The following RREB1 variants were observed in gnomAD, a reference collection of about 807,000 sequenced individuals.
The protein encoded by RREB1 is ras-responsive element-binding protein 1.
RREB1 carries 27 observed loss-of-function variants against 117.8 expected under a neutral mutation model. That is an observed-to-expected ratio of 0.23 (90% CI 0.17 to 0.32). The LOEUF (loss-of-function observed/expected upper bound fraction) is 0.32. Among genes scored for constraint, RREB1 ranks in the 10% least tolerant of loss-of-function variants. RREB1 has a pLI of 1.00. For missense variants in RREB1, 2,577 were observed against 2,378.2 expected, an observed-to-expected ratio of 1.08 and a Z score of -1.74; for synonymous variants, 1,298 against 1,026.7, an observed-to-expected ratio of 1.26 and a Z score of -5.05.
At chr6:7,133,965 G>T (rs1762253169) in intron 1 of RREB1, among the ~76,000 whole-genome samples, 1 of 152,050 alleles carries the variant, frequency 6.6e-6, no homozygotes, top group South Asian at 2.1e-4. Flanking sequence ...AATATGATAT[G>T]ACAAGTCTTT....
chr6:7,214,608 G>A (rs1285619095), intron 8 of RREB1: 2 of 152,374 alleles, frequency 1.3e-5, no homozygotes, highest in Non-Finnish European at 2.9e-5. Context: ...GGCAGCCTGC[G>A]CCAGCGGGGC....
rs73372694 is a variant in RREB1, at chr6:7,141,422, C to T, written c.-285+33362C>T. 8.6e-3 allele frequency among the ~76,000 whole-genome samples: 1,312 copies of T among 152,284 alleles called. 16 individuals carry two copies. Among genetic ancestry groups the T allele is most frequent in the African/African-American group, 0.03 (1,244 of 41,568 alleles). ...CTCAGCTCCTTAAAAATAATAAATT[C>T]CTCTTAGGGAAAGATTAGAAGATGA... On this transcript the variant is annotated intron_variant, in intron 1 of 12. Transcript: ENST00000379938.
At chr6:7,160,131 T>A (rs1763577755) in intron 1 of RREB1, among the ~76,000 whole-genome samples, 1 of 151,770 alleles carries the variant, frequency 6.6e-6, no homozygotes, top group African/African-American at 2.4e-5. Flanking sequence ...CATTTTTTTT[T>A]TTTAAATGAG....
rs115240936 is a variant in RREB1, at chr6:7,190,152, C to G, written c.425+830C>G. ...CACGTACACATGGGACATACTGATACAGCGGTTAAGTTTCTTGATTTGGGA... is the reference window on the plus strand; with the variant it reads ...CACGTACACATGGGACATACTGATAGAGCGGTTAAGTTTCTTGATTTGGGA... On this transcript the variant is annotated intron_variant, in intron 6 of 12. Transcript: ENST00000379938. 3.8e-3 allele frequency among the ~76,000 whole-genome samples: 579 copies of G among 152,294 alleles called. 1 individual carries two copies. Among genetic ancestry groups the G allele is most frequent in the Middle Eastern group, 0.017 (5 of 294 alleles).
At chr6:7,208,553 C>T (rs575088255) in intron 6 of RREB1, among the ~76,000 whole-genome samples, 1 of 152,332 alleles carries the variant, frequency 6.6e-6, no homozygotes, top group East Asian at 1.9e-4. Context: ...TGTGCTTTTG[C>T]ACCTGGGGCT....
At chr6:7,117,453 G>A (rs975735020) in intron 1 of RREB1, among the ~76,000 whole-genome samples, 3 of 115,676 alleles carry the variant, frequency 2.6e-5, no homozygotes, top group East Asian at 3.0e-4. Flanking sequence ...TCTTGTCACC[G>A]AGGCTGGAGT....
Position 7,246,797 on chromosome 6 carries a change from C to T in RREB1, c.4347C>T (p.Ala1449=), listed in dbSNP as rs1212439403. ...CGGCCTCGCAGGAGCAGAAGCTCGC[C>T]TGCGACACCTGTGGGAAGAGCTTCA... ...GGAASQEQKL[A]CDTCGKSFKF... is the part of the protein sequence containing the mutation. Residue 1449 remains alanine, a synonymous_variant, in exon 12 of 13, where the codon GCC becomes GCT. Coordinates refer to ENST00000379938, the MANE Select transcript of RREB1 (RefSeq NM_001003699.4). 1 of 1,551,820 alleles carries T rather than the reference C, an allele frequency of 6.4e-7. No homozygotes were observed. The highest frequency in any genetic ancestry group is 2.0e-5 in the Admixed American group (1 of 50,500).
chr6:7,246,846 C>T lies in RREB1; in HGVS notation c.4396C>T (p.His1466Tyr). The T allele has an allele frequency of 6.4e-7, 1 of 1,553,280 alleles. No homozygotes were observed. ...SFKFLGTLSRHRKAHGRQEPK... is the reference protein window; with the variant it reads ...SFKFLGTLSRYRKAHGRQEPK... The stretch of plus-strand genomic sequence containing the variant: ...CAAGTTCCTGGGCACCCTGAGCCGC[C>T]ACCGGAAGGCGCACGGCCGCCAGGA... The change falls in exon 12 of 13, where the codon CAC becomes TAC. Residue 1466 changes from histidine to tyrosine, a missense_variant. His to Tyr is a moderately conservative substitution (Grantham distance 83). Transcript: ENST00000379938.
chr6:7,199,579 TC>T (rs1765835799), intron 6 of RREB1, among the ~76,000 whole-genome samples: 1 of 152,202 alleles, frequency 6.6e-6, no homozygotes, highest in African/African-American at 2.4e-5. Context: ...TGCCTTTTTT[TC>T]TTCTTTTTTG....
At chr6:7,203,894 G>A (rs551519087) in intron 6 of RREB1, among the ~76,000 whole-genome samples, 7 of 152,258 alleles carry the variant, frequency 4.6e-5, no homozygotes, top group East Asian at 1.9e-4. Context: ...AGTATCAGCC[G>A]CAAAGCTTGA....
intron 8 of RREB1, chr6:7,217,453 C>G (rs1026523776): frequency 6.6e-6 from 1 of 152,210 alleles, no homozygotes; most frequent in Non-Finnish European, 1.5e-5. Flanking sequence ...GAAATGCTCC[C>G]AGCTGAGCCA....
intron 1 of RREB1, among the ~76,000 whole-genome samples, chr6:7,163,016 TCTATCTTCCAAA>T (rs1301555475): frequency 6.6e-6 from 1 of 151,702 alleles, no homozygotes; most frequent in Non-Finnish European, 1.5e-5. Flanking sequence ...CACTTGCATA[TCTATCTTCCAAA>T]CTCTCATCCA....
rs1235631119 is a variant in RREB1, at chr6:7,201,505, CA to C, written c.426-9297del. 1.4e-3 allele frequency among the ~76,000 whole-genome samples: 199 copies of C among 137,772 alleles called. No individual in the cohort carries two copies. In the Middle Eastern group the frequency reaches 0.022, roughly 15 times the overall value. The allele number at this position is 137,772 out of a possible 152,430, so 90.4% of individuals were successfully genotyped here. The stretch of plus-strand genomic sequence containing the variant: ...TAGTGGCAACATTGTCCCCCCCCCC[CA>C]ACCCCCATCCCACCCTCCCCACTGA... On this transcript the variant is annotated intron_variant, in intron 6 of 12. Transcript: ENST00000379938.
intron 6 of RREB1, among the ~76,000 whole-genome samples, chr6:7,202,805 G>C (rs1051950070): frequency 1.2e-4 from 19 of 152,140 alleles, no homozygotes; most frequent in African/African-American, 4.1e-4. Context: ...GATGTCTCTG[G>C]ACTCACCCAG....
chr6:7,207,312 A>C (rs1360751), intron 6 of RREB1, among the ~76,000 whole-genome samples: 84,676 of 152,094 alleles, frequency 0.56, 24,490 homozygotes, highest in East Asian at 0.8. Flanking sequence ...CTTTGCAGAA[A>C]GGCAGTCACT....
intron 1 of RREB1, among the ~76,000 whole-genome samples, chr6:7,147,656 CTTTG>C (rs986290459): frequency 1.1e-4 from 16 of 152,328 alleles, no homozygotes; most frequent in East Asian, 1.9e-4. Context: ...CATCAAGCTT[CTTTG>C]TTTGAGAAGT....
chr6:7,152,319 G>A (rs1035735023), intron 1 of RREB1, among the ~76,000 whole-genome samples: 1 of 152,264 alleles, frequency 6.6e-6, no homozygotes, highest in Middle Eastern at 3.4e-3. Context: ...TATAAGTGGT[G>A]TATTACATGA....
At chr6:7,132,179 G>A (rs944888291) in intron 1 of RREB1, among the ~76,000 whole-genome samples, 3 of 151,946 alleles carry the variant, frequency 2.0e-5, no homozygotes, top group Admixed American at 6.6e-5. Flanking sequence ...CTTAGCCTCC[G>A]AAGTAGCTGG....
chr6:7,158,037 G>A (rs1480047847), intron 1 of RREB1, among the ~76,000 whole-genome samples: 4 of 151,962 alleles, frequency 2.6e-5, no homozygotes, highest in Non-Finnish European at 5.9e-5. Context: ...CTCTGTGGAG[G>A]GATTCATCCC....
Sources: gnomAD v4.1 joint callset for allele counts (sites outside exome capture counted in the v4.1 genomes callset) on GRCh38, gnomAD v4.1.1 for gene constraint, MANE v1.5 for transcripts, NCBI Gene and HGNC (gene_info 2026-07-23, HGNC 2026-07-21) for gene names.